The following MKX variants were observed in gnomAD, a reference collection of about 807,000 sequenced individuals.
The protein encoded by MKX is homeobox protein Mohawk.
In MKX, 13 loss-of-function variants were observed where a neutral mutation model predicts 36.0. The observed-to-expected ratio is 0.36, with a 90% CI of 0.24 to 0.57. The LOEUF (loss-of-function observed/expected upper bound fraction) is 0.57, where lower values mean the gene tolerates loss of function less well. Among genes scored for constraint, MKX ranks in the 20% least tolerant of loss-of-function variants. The pLI is 0.79. For synonymous variants in MKX, 176 were observed against 178.3 expected (o/e 0.99, Z 0.10); for missense variants, 458 against 456.4 (o/e 1.00, Z -0.03).
In MKX at chr10:27,699,961, C is replaced by T. The variant is rs115283558; in HGVS notation, c.839-24407G>A. 3.3e-3 allele frequency among the ~76,000 whole-genome samples: 508 copies of T among 152,308 alleles called. 3 individuals are homozygous for T. Among genetic ancestry groups the T allele is most frequent in the African/African-American group, 0.01 (419 of 41,560 alleles). On this transcript the variant is annotated intron_variant, in intron 5 of 6. Coordinates refer to ENST00000419761, the MANE Select transcript of MKX (RefSeq NM_173576.3). ...TTCAGCTGTGTTTACTTAGACTTAA[C>T]GTGACAAAGTCTGCCTCTGATTATA...
chr10:27,678,205 G>C (rs988311007), intron 5 of MKX, among the ~76,000 whole-genome samples: 1 of 152,086 alleles, frequency 6.6e-6, no homozygotes, highest in Non-Finnish European at 1.5e-5. Flanking sequence ...ACTCAGTAAG[G>C]ACAGAGACAA....
At chr10:27,693,154 G>C (rs1363739811) in intron 5 of MKX, among the ~76,000 whole-genome samples, 1 of 152,222 alleles carries the variant, frequency 6.6e-6, no homozygotes, top group Non-Finnish European at 1.5e-5. Flanking sequence ...TCTAGGGACA[G>C]AGCTTGAGAT....
At chr10:27,684,764 C>G (rs1437640109) in intron 5 of MKX, among the ~76,000 whole-genome samples, 6 of 152,204 alleles carry the variant, frequency 3.9e-5, no homozygotes, top group Non-Finnish European at 7.3e-5. Context: ...TTAAAACAAC[C>G]AGGGACTGGT....
intron 3 of MKX, among the ~76,000 whole-genome samples, chr10:27,739,431 A>T (rs865983776): frequency 7.9e-5 from 12 of 152,208 alleles, no homozygotes; most frequent in Admixed American, 1.3e-4. Flanking sequence ...ATTTCTGTGC[A>T]TTTTTATTTT....
At chr10:27,678,060 C>T (rs191327574) in intron 5 of MKX, among the ~76,000 whole-genome samples, 24 of 152,352 alleles carry the variant, frequency 1.6e-4, no homozygotes, top group South Asian at 2.1e-4. Flanking sequence ...TCACTTACTA[C>T]GTGCCAGGCA....
intron 5 of MKX, among the ~76,000 whole-genome samples, chr10:27,724,733 T>C (rs1564362086): frequency 6.7e-6 from 1 of 148,494 alleles, no homozygotes; most frequent in Non-Finnish European, 1.5e-5. Flanking sequence ...CTATGTTCGA[T>C]TTCTATTACT....
At chr10:27,694,527 A>AAAATATATATATAT (rs547670335) in intron 5 of MKX, among the ~76,000 whole-genome samples, 17 of 114,334 alleles carry the variant, frequency 1.5e-4, no homozygotes, top group East Asian at 5.0e-4. Flanking sequence ...AAAAAAAAAA[A>AAAATATATATATAT]ATATATATAT....
In MKX at chr10:27,741,316, G is replaced by T; in HGVS notation, c.348+29C>A. 3 of 1,607,490 alleles carry T rather than the reference G, an allele frequency of 1.9e-6. No homozygotes were observed. Among genetic ancestry groups the T allele is most frequent in the Non-Finnish European group, 8.5e-7 (1 of 1,177,786 alleles). ...GCTCTTCAGCCCCTCGCGGGAAAAC[G>T]GATCAGGGTGTTAATGGGTCCTGAT... On this transcript the variant is annotated intron_variant, in intron 3 of 6. Coordinates refer to ENST00000419761, the MANE Select transcript of MKX (RefSeq NM_173576.3). The surrounding 1 kb of genome is among the most constrained non-coding windows in gnomAD (Gnocchi z 5.1).
intron 5 of MKX, among the ~76,000 whole-genome samples, chr10:27,678,885 C>G (rs997037667): frequency 5.3e-5 from 8 of 152,178 alleles, no homozygotes; most frequent in Non-Finnish European, 1.5e-5. Context: ...ATGTGTTTGA[C>G]ACTTTGGTGC....
At chr10:27,685,593 C>T (rs979146522) in intron 5 of MKX, among the ~76,000 whole-genome samples, 18 of 152,082 alleles carry the variant, frequency 1.2e-4, no homozygotes, top group Non-Finnish European at 1.9e-4. Context: ...GGACTACAGG[C>T]GCCCGCCACC....
intron 5 of MKX, among the ~76,000 whole-genome samples, chr10:27,700,922 A>AT (rs1836639679): frequency 6.6e-6 from 1 of 152,182 alleles, no homozygotes; most frequent in South Asian, 2.1e-4. Context: ...CTGTTCTGTA[A>AT]TTTTTTTAAA....
chr10:27,675,354 T>C lies in MKX; in HGVS notation c.934A>G (p.Met312Val). The stretch of plus-strand genomic sequence containing the variant: ...CCCTGTGCAAGATTTGTTAAGGCCA[T>C]AGCTGCGTTGATCTCCTTCCAATAC... ...DTYWKEINAA[M>V]ALTNLAQGKD... Residue 312 changes from methionine (M) to valine (V), a missense_variant, in exon 7 of 7, where the codon ATG (methionine) becomes GTG (valine). Met to Val is a conservative substitution (Grantham distance 21). This residue lies in a region of MKX where 297 missense variants were observed against 304.4 expected (regional missense o/e 0.98). Transcript: ENST00000419761. The C allele has an allele frequency of 6.2e-7, 1 of 1,614,240 alleles. No individual in the cohort carries two copies. Among genetic ancestry groups the C allele is most frequent in the Non-Finnish European group, 8.5e-7 (1 of 1,180,044 alleles).
chr10:27,697,086 G>T (rs952277593), intron 5 of MKX, among the ~76,000 whole-genome samples: 1 of 152,178 alleles, frequency 6.6e-6, no homozygotes, highest in African/African-American at 2.4e-5. Context: ...ACTGGTGCAA[G>T]AATGTATATA....
chr10:27,712,945 A>T (rs1435512381), intron 5 of MKX, among the ~76,000 whole-genome samples: 1 of 152,120 alleles, frequency 6.6e-6, no homozygotes, highest in Non-Finnish European at 1.5e-5. Context: ...TCTAAAAAAA[A>T]ACAACAATAA....
intron 1 of MKX, 60 bp from the exon 2 acceptor site, chr10:27,743,557 T>G: frequency 6.6e-6 from 6 of 903,954 alleles, no homozygotes; most frequent in Non-Finnish European, 9.3e-6. Context: ...CCCCTGCAGG[T>G]TCAGGGCCTT....
chr10:27,735,176 T>C, intron 4 of MKX, 45 bp downstream of exon 4: 1 of 1,500,682 alleles, frequency 6.7e-7, no homozygotes, highest in African/African-American at 1.4e-5. Flanking sequence ...GTGAACTTGC[T>C]AATAGAGGCA....
chr10:27,719,062 A>G (rs1268652270), intron 5 of MKX, among the ~76,000 whole-genome samples: 1 of 152,230 alleles, frequency 6.6e-6, no homozygotes. Context: ...GGGGTACTGA[A>G]TAAGCTTTAT....
At chr10:27,740,596 A>G (rs2132652786) in intron 3 of MKX, among the ~76,000 whole-genome samples, 1 of 152,288 alleles carries the variant, frequency 6.6e-6, no homozygotes, top group East Asian at 1.9e-4. Flanking sequence ...AAGCTAGTCA[A>G]ATGTAAAGTA....
At chr10:27,675,838 G>C (rs1836137125) in intron 5 of MKX, among the ~76,000 whole-genome samples, 1 of 152,180 alleles carries the variant, frequency 6.6e-6, no homozygotes, top group Non-Finnish European at 1.5e-5. Context: ...TGGATCAGGA[G>C]ACAAACAGCA....
Sources: allele counts gnomAD v4.1 joint callset (sites outside exome capture counted in the v4.1 genomes callset), GRCh38; gene constraint gnomAD v4.1.1; regional missense constraint gnomAD v4.1.1; non-coding constraint Gnocchi (gnomAD v3.1); transcripts MANE v1.5; gene names NCBI Gene and HGNC (gene_info 2026-07-23, HGNC 2026-07-21).